The following EFCAB5 variants were observed in gnomAD, a reference collection of about 807,000 sequenced individuals.
EFCAB5 encodes the protein EF-hand calcium binding domain 5.
EFCAB5 carries 131 observed loss-of-function variants against 167.9 expected under a neutral mutation model. That is an observed-to-expected ratio of 0.78 (90% confidence interval 0.68 to 0.90). The LOEUF (loss-of-function observed/expected upper bound fraction) is 0.90, where lower values mean the gene tolerates loss of function less well. Ranked by LOEUF, EFCAB5 falls within the 40% of genes least tolerant of loss-of-function variation. The pLI is 0.00. For synonymous variants in EFCAB5, 574 were observed against 602.8 expected (o/e 0.95, Z 0.70); for missense variants, 1,663 against 1,745.2 (o/e 0.95, Z 0.84).
At chr17:30,012,931 G>A (rs2068941777) in intron 7 of EFCAB5, among the ~76,000 whole-genome samples, 1 of 152,144 alleles carries the variant, frequency 6.6e-6, no homozygotes, top group Non-Finnish European at 1.5e-5. Context: ...TATGATATTG[G>A]CTGTGGGTTT....
At chr17:30,079,845 G>T (rs2070946850) in intron 15 of EFCAB5, among the ~76,000 whole-genome samples, 3 of 152,114 alleles carry the variant, frequency 2.0e-5, no homozygotes, top group Non-Finnish European at 4.4e-5. Context: ...TGGTAAACCA[G>T]TCCAGTTGGC....
At chr17:30,073,037 C>G in intron 14 of EFCAB5, 1 of 592,518 alleles carries the variant, frequency 1.7e-6, no homozygotes, top group Non-Finnish European at 3.0e-6. Flanking sequence ...CTCCTGTGTC[C>G]TCCCCTCCCC....
chr17:30,061,856 C>G lies in EFCAB5; in HGVS notation c.2737+2155C>G, dbSNP rs147112930. Among the ~76,000 whole-genome samples the G allele has an allele frequency of 9.6e-4, 146 of 152,340 alleles. 2 individuals are homozygous for G. In the Middle Eastern group the frequency reaches 0.01, roughly 11 times the overall value. ...GTTCTGGGATTACAGGTGTGAGCCA[C>G]TGTACCCAGCCTCATTTCCCCTTTT... On this transcript the variant is annotated intron_variant, in intron 14 of 22. Coordinates refer to ENST00000394835, the MANE Select transcript of EFCAB5 (RefSeq NM_198529.4).
intron 3 of EFCAB5, among the ~76,000 whole-genome samples, chr17:29,944,617 G>GTTTTTTTTTTT (rs1223652580): frequency 2.2e-5 from 3 of 139,456 alleles, no homozygotes; most frequent in Non-Finnish European, 4.6e-5. Flanking sequence ...GTTGTTTTCT[G>GTTTTTTTTTTT]TTTTGTTTTG....
intron 1 of EFCAB5, among the ~76,000 whole-genome samples, chr17:29,932,371 G>A (rs933042202): frequency 1.3e-5 from 2 of 148,810 alleles, no homozygotes; most frequent in African/African-American, 4.9e-5. Context: ...GGCTGGTCTC[G>A]AACTCCTGTC....
chr17:30,090,248 A>T (rs2071168519), intron 19 of EFCAB5, 173 bp from the exon 20 acceptor site: 1 of 834,602 alleles, frequency 1.2e-6, no homozygotes, highest in African/African-American at 1.7e-5. Flanking sequence ...GAGTGAGCAA[A>T]CAGACAGCCA....
chr17:29,990,964 C>G (rs1013534723), intron 4 of EFCAB5, among the ~76,000 whole-genome samples: 3 of 152,280 alleles, frequency 2.0e-5, no homozygotes, highest in South Asian at 2.1e-4. Flanking sequence ...ACAAACCTCT[C>G]CCTCCTTTGC....
At chr17:30,038,474 C>G (rs1280848968) in intron 8 of EFCAB5, among the ~76,000 whole-genome samples, 1 of 152,178 alleles carries the variant, frequency 6.6e-6, no homozygotes, top group Non-Finnish European at 1.5e-5. Context: ...GCCTGGTTAA[C>G]CAAGAGCTCT....
intron 8 of EFCAB5, among the ~76,000 whole-genome samples, chr17:30,050,021 C>T (rs1462227518): frequency 3.3e-5 from 5 of 151,816 alleles, no homozygotes; most frequent in Admixed American, 6.5e-5. Flanking sequence ...TACAGAATGC[C>T]TTATTGCAGT....
chr17:30,011,105 G>C (rs896772045), intron 7 of EFCAB5, among the ~76,000 whole-genome samples: 16 of 152,282 alleles, frequency 1.1e-4, no homozygotes, highest in African/African-American at 2.6e-4. Context: ...TCAGATGGCT[G>C]TAGATATGTG....
At chr17:30,083,511 A>G (rs766112598) in intron 18 of EFCAB5, among the ~76,000 whole-genome samples, 11 of 152,202 alleles carry the variant, frequency 7.2e-5, no homozygotes, top group Admixed American at 1.3e-4. Context: ...CTGGAGTGCA[A>G]TAGCGCAATC....
intron 7 of EFCAB5, among the ~76,000 whole-genome samples, chr17:30,004,408 C>T (rs73267624): frequency 0.084 from 12,824 of 152,220 alleles, 1,173 homozygotes; most frequent in African/African-American, 0.23. Context: ...GGGCAAGGTG[C>T]CTTGTTATTG....
intron 14 of EFCAB5, among the ~76,000 whole-genome samples, chr17:30,066,087 A>T (rs1406842853): frequency 6.6e-6 from 1 of 152,230 alleles, no homozygotes; most frequent in Admixed American, 6.5e-5. Context: ...TAAACTAAAC[A>T]TTAGACCAAA....
chr17:29,937,792 G>C (rs1186098172), upstream of EFCAB5, among the ~76,000 whole-genome samples: 1 of 152,190 alleles, frequency 6.6e-6, no homozygotes, highest in Non-Finnish European at 1.5e-5. Flanking sequence ...TCAAACTTGA[G>C]TTAAGACTCC....
At chr17:29,957,098 G>A (rs952638906) in intron 3 of EFCAB5, among the ~76,000 whole-genome samples, 5 of 152,152 alleles carry the variant, frequency 3.3e-5, no homozygotes, top group African/African-American at 1.2e-4. Flanking sequence ...GTCATATATG[G>A]CTTTTATTCT....
chr17:29,994,156 A>G (rs1294355261), intron 5 of EFCAB5, among the ~76,000 whole-genome samples: 3 of 135,294 alleles, frequency 2.2e-5, no homozygotes, highest in Non-Finnish European at 4.8e-5. Flanking sequence ...ATATATATAT[A>G]TATATATATA....
Position 30,090,606 on chromosome 17 carries a change from T to C in EFCAB5, c.3869T>C (p.Val1290Ala). 6.2e-7 allele frequency: 1 copy of C among 1,613,938 alleles called. No homozygotes were observed. The highest frequency in any genetic ancestry group is 8.5e-7 in the Non-Finnish European group (1 of 1,179,880). ...EYKDLQKMMK[V>A]VQVACYEILG... The stretch of plus-strand genomic sequence containing the variant: ...AAAGATCTACAGAAAATGATGAAAG[T>C]GGTCCAAGTGGCCTGCTATGAAATA... Residue 1290 changes from valine (V) to alanine (A), a missense_variant, in exon 20 of 23, where the codon GTG (valine) becomes GCG (alanine). Val to Ala is a moderately conservative substitution (Grantham distance 64, BLOSUM62 0). Transcript: ENST00000394835.
intron 22 of EFCAB5, among the ~76,000 whole-genome samples, chr17:30,106,669 C>A (rs2151863990): frequency 6.6e-6 from 1 of 152,240 alleles, no homozygotes; most frequent in African/African-American, 2.4e-5. Context: ...GTTGGCCAGG[C>A]TGATCTCAAA....
rs769145644 is a variant in EFCAB5, at chr17:30,057,715, A to C, written c.2405A>C (p.Glu802Ala). ...SIIRNIQSCK[E>A]VKGRTAFNGV... ...ATCAGAAATATTCAGTCTTGCAAGG[A>C]GGTAAAAGGCAGAACTGCCTTCAAT... The change falls in exon 13 of 23, where the codon GAG becomes GCG. Residue 802 changes from glutamate (E) to alanine (A), a missense_variant. Coordinates refer to ENST00000394835, the MANE Select transcript of EFCAB5 (RefSeq NM_198529.4). 6.2e-7 allele frequency: 1 copy of C among 1,613,718 alleles called. No individual in the cohort carries two copies. The highest frequency in any genetic ancestry group is 8.5e-7 in the Non-Finnish European group (1 of 1,179,698).
Sources: allele counts gnomAD v4.1 joint callset (sites outside exome capture counted in the v4.1 genomes callset), GRCh38; gene constraint gnomAD v4.1.1; transcripts MANE v1.5; gene names NCBI Gene and HGNC (gene_info 2026-07-23, HGNC 2026-07-21).